GOLGB1: variants seen among roughly 807,000 people sequenced by gnomAD.
GOLGB1 encodes golgin subfamily B member 1.
Under a neutral mutation model 336.9 loss-of-function variants are expected in GOLGB1, and 174 were observed. The ratio of observed to expected loss-of-function variants is 0.52; its 90% CI spans 0.46 to 0.59. The LOEUF is 0.59. Among genes scored for constraint, GOLGB1 ranks in the 20% least tolerant of loss-of-function variants. GOLGB1 has a pLI of 0.00. For missense variants in GOLGB1, 3,331 were observed against 3,645.3 expected (o/e 0.91, Z 2.22); for synonymous variants, 1,208 against 1,289.2 (o/e 0.94, Z 1.35).
chr3:121,683,051 TAA>T (rs148773405), intron 14 of GOLGB1, among the ~76,000 whole-genome samples: 5 of 145,014 alleles, frequency 3.4e-5, no homozygotes, highest in Admixed American at 1.4e-4. Context: ...CAATTTCTTT[TAA>T]TTTTTTTTTT....
intron 11 of GOLGB1, among the ~76,000 whole-genome samples, chr3:121,701,786 C>T (rs1943433338): frequency 6.6e-6 from 1 of 151,992 alleles, no homozygotes; most frequent in Non-Finnish European, 1.5e-5. Context: ...AAAAAAATGG[C>T]CCCTGCCCTT....
At position 121,694,092 on chromosome 3, in the gene GOLGB1, T is replaced by G; in HGVS notation, c.6431A>C (p.Lys2144Thr). The change falls in exon 13 of 22, where the codon AAG becomes ACG. Residue 2144 changes from lysine to threonine, a missense_variant. Physicochemically the swap from Lys to Thr is moderately conservative, Grantham distance 78 (BLOSUM62 -1). Transcript: ENST00000614479. ...QAEEKHLKEK[K>T]NMQEKLDALR... is the part of the protein sequence containing the mutation. ...AGCATCCAGTTTCTCTTGCATATTCTTCTTCTCTTTCAGGTGCTTCTCTTC... is the reference window on the plus strand; with the variant it reads ...AGCATCCAGTTTCTCTTGCATATTCGTCTTCTCTTTCAGGTGCTTCTCTTC... The G allele has an allele frequency of 6.2e-7, 1 of 1,614,086 alleles. No individual in the cohort carries two copies. The highest frequency in any genetic ancestry group is 8.5e-7 in the Non-Finnish European group (1 of 1,180,018).
chr3:121,690,635 T>C (rs2107772717), intron 14 of GOLGB1, 35 bp downstream of exon 14: 1 of 1,168,582 alleles, frequency 8.6e-7, no homozygotes, highest in Admixed American at 2.7e-5. Flanking sequence ...TCAAAAACTC[T>C]TAAACAGATC....
intron 17 of GOLGB1, 64 bp downstream of exon 17, chr3:121,676,829 C>A: frequency 6.9e-7 from 1 of 1,452,604 alleles, no homozygotes; most frequent in Non-Finnish European, 9.7e-7. Flanking sequence ...TTGGCTTCTA[C>A]TTGCCTTCTT....
At chr3:121,723,405 T>C (rs924509350) in intron 5 of GOLGB1, among the ~76,000 whole-genome samples, 1 of 152,224 alleles carries the variant, frequency 6.6e-6, no homozygotes, top group African/African-American at 2.4e-5. Flanking sequence ...TTTGTATACT[T>C]AATGCAGACA....
intron 1 of GOLGB1, among the ~76,000 whole-genome samples, chr3:121,738,609 G>T (rs190504955): frequency 6.6e-6 from 1 of 152,248 alleles, no homozygotes; most frequent in East Asian, 1.9e-4. Flanking sequence ...ATACAAGGAG[G>T]GGTCTTCCCA....
intron 21 of GOLGB1, 80 bp from the exon 22 acceptor site, chr3:121,664,694 A>C: frequency 7.2e-7 from 1 of 1,383,154 alleles, no homozygotes. Flanking sequence ...CTTGCACTTA[A>C]GCAAAGCTGA....
At chr3:121,681,050 T>G (rs961587935) in intron 15 of GOLGB1, among the ~76,000 whole-genome samples, 10 of 152,354 alleles carry the variant, frequency 6.6e-5, no homozygotes, top group Admixed American at 5.2e-4. Flanking sequence ...CATAGTAGTA[T>G]TATTAGAATA....
chr3:121,685,661 T>C (rs1460691431), intron 14 of GOLGB1, among the ~76,000 whole-genome samples: 5 of 152,030 alleles, frequency 3.3e-5, no homozygotes, highest in East Asian at 1.9e-4. Flanking sequence ...AAATCAATAG[T>C]TGATGCAACA....
At chr3:121,726,147 T>C (rs1945577362) in intron 5 of GOLGB1, among the ~76,000 whole-genome samples, 1 of 150,956 alleles carries the variant, frequency 6.6e-6, no homozygotes, top group Admixed American at 6.6e-5. Flanking sequence ...AAGAAAATTA[T>C]ACAGGCCAGG....
chr3:121,716,380 G>C (rs1416147431), intron 9 of GOLGB1, among the ~76,000 whole-genome samples: 2 of 152,046 alleles, frequency 1.3e-5, no homozygotes, highest in Non-Finnish European at 2.9e-5. Flanking sequence ...ATGCAATTTA[G>C]TCTCCTAACC....
intron 17 of GOLGB1, 22 bp downstream of exon 17, chr3:121,676,871 C>T (rs760511260): frequency 6.2e-7 from 1 of 1,609,130 alleles, no homozygotes; most frequent in Non-Finnish European, 8.5e-7. Context: ...AACTGAATTC[C>T]AGTCTAACAA....
Position 121,681,877 on chromosome 3 carries a change from G to C in GOLGB1, c.8695-12C>G, listed in dbSNP as rs1391924987. ...TTCAATTCCTTCAGCTTTAACCAAA[G>C]GGAAAGTAAAATGATTATTTGTCAC... is the stretch of plus-strand genomic sequence containing the variant. On this transcript the variant is annotated splice_polypyrimidine_tract_variant and intron_variant, in intron 14 of 21. Transcript: ENST00000614479. 6.4e-7 allele frequency: 1 copy of C among 1,569,702 alleles called. No homozygotes were observed.
chr3:121,690,665 C>G lies in GOLGB1; in HGVS notation c.8694+5G>C. ...CAGATCAGAAAGAAAGAACTAGCTA[C>G]TCACTAGTCTGTCTCTGTCATTTTG... On this transcript the variant is annotated splice_donor_5th_base_variant and intron_variant, in intron 14 of 21. Transcript: ENST00000614479. 1 of 1,383,302 alleles carries G rather than the reference C, an allele frequency of 7.2e-7. No homozygotes were observed. Among genetic ancestry groups the G allele is most frequent in the Non-Finnish European group, 9.8e-7 (1 of 1,021,366 alleles). 85.7% of individuals were successfully genotyped at this position (1,383,302 alleles called of 1,614,324 possible).
At position 121,698,516 on chromosome 3, in the gene GOLGB1, T is replaced by G; in HGVS notation, c.2007A>C (p.Thr669=). 6.2e-7 allele frequency: 1 copy of G among 1,613,730 alleles called. No individual in the cohort carries two copies. The highest frequency in any genetic ancestry group is 8.5e-7 in the Non-Finnish European group (1 of 1,179,692). ...AAAGGGATTTATCACCATCCTGCTT[T>G]GTTGATTTCAATTCTACTCCAGCAT... ...LNDAGVELKS[T]KQDGDKSLSA... The change falls in exon 13 of 22, where the codon ACA becomes ACC. Residue 669 remains threonine (T), a synonymous_variant. Coordinates refer to ENST00000614479, the MANE Select transcript of GOLGB1 (RefSeq NM_001366282.2).
At chr3:121,667,414 T>G in intron 20 of GOLGB1, 62 bp downstream of exon 20, 1 of 1,506,228 alleles carries the variant, frequency 6.6e-7, no homozygotes, top group Non-Finnish European at 9.0e-7. Context: ...TGGCAGGAAA[T>G]GTACATGAGT....
At chr3:121,716,023 T>C (rs905965465) in intron 9 of GOLGB1, among the ~76,000 whole-genome samples, 1 of 151,814 alleles carries the variant, frequency 6.6e-6, no homozygotes, top group African/African-American at 2.4e-5. Flanking sequence ...CAAAACTGTC[T>C]GGCTAACATT....
chr3:121,692,669 G>T, intron 13 of GOLGB1, 88 bp from the exon 14 acceptor site: 1 of 687,566 alleles, frequency 1.5e-6, no homozygotes, highest in South Asian at 2.1e-5. Context: ...GTACTCAATA[G>T]ATTTACAAAT....
At position 121,695,862 on chromosome 3, in the gene GOLGB1, T is replaced by A; in HGVS notation, c.4661A>T (p.Asp1554Val). The A allele has an allele frequency of 6.2e-7, 1 of 1,613,896 alleles. No homozygotes were observed. Among genetic ancestry groups the A allele is most frequent in the Non-Finnish European group, 8.5e-7 (1 of 1,179,766 alleles). ...CCTGTCCATTTCTGTAATGAGTTTG[T>A]CTCTTTCTTCTTGAAGAAGAGCTAA... is the stretch of plus-strand genomic sequence containing the variant. ...GRLALLQEERDKLITEMDRSL... is the reference protein window; with the variant it reads ...GRLALLQEERVKLITEMDRSL... Residue 1554 changes from aspartate to valine, a missense_variant, in exon 13 of 22, where the codon GAC becomes GTC. Physicochemically the swap from Asp to Val is radical, Grantham distance 152 (BLOSUM62 -3). Transcript: ENST00000614479.
Sources: gnomAD v4.1 joint callset for allele counts (sites outside exome capture counted in the v4.1 genomes callset) on GRCh38, gnomAD v4.1.1 for gene constraint, MANE v1.5 for transcripts, NCBI Gene and HGNC (gene_info 2026-07-23, HGNC 2026-07-21) for gene names.